STAG1: variants seen among roughly 807,000 people sequenced by gnomAD.
The protein encoded by STAG1 is cohesin subunit SA-1.
In STAG1, 26 loss-of-function variants were observed where a neutral mutation model predicts 170.9. The observed-to-expected ratio is 0.15, with a 90% CI of 0.11 to 0.21. The LOEUF (loss-of-function observed/expected upper bound fraction) is 0.21, where lower values mean the gene tolerates loss of function less well. Ranked by LOEUF, STAG1 falls within the 10% of genes least tolerant of loss-of-function variation. The pLI, the probability that STAG1 is intolerant of heterozygous loss-of-function variation, is 1.00. For missense variants in STAG1, 964 were observed against 1,509.5 expected, an observed-to-expected ratio of 0.64 and a Z score of 5.99; for synonymous variants, 514 against 497.7, an observed-to-expected ratio of 1.03 and a Z score of -0.44.
chr3:136,516,569 C>T (rs1010303300), intron 7 of STAG1, among the ~76,000 whole-genome samples: 3 of 151,842 alleles, frequency 2.0e-5, no homozygotes, highest in Non-Finnish European at 2.9e-5. Context: ...TTCTTAACAG[C>T]GGTTCTTGAA....
At chr3:136,564,207 C>A (rs1936966204) in intron 5 of STAG1, among the ~76,000 whole-genome samples, 1 of 152,084 alleles carries the variant, frequency 6.6e-6, no homozygotes, top group Non-Finnish European at 1.5e-5. Context: ...ATTTTGTGTA[C>A]CTATTTTCTT....
In STAG1 at chr3:136,366,939, A is replaced by C. The variant is rs1937095652; in HGVS notation, c.2685+4T>G. The stretch of plus-strand genomic sequence containing the variant: ...AGGAGAAAAATAAGAATATTTAACT[A>C]TACCTTCATGTAGTGTTTGAAGATG... On this transcript the variant is annotated splice_donor_region_variant and intron_variant, in intron 25 of 33. Coordinates refer to ENST00000383202, the MANE Select transcript of STAG1 (RefSeq NM_005862.3). The C allele has an allele frequency of 6.4e-7, 1 of 1,551,134 alleles. No individual in the cohort carries two copies. Among genetic ancestry groups the C allele is most frequent in the Non-Finnish European group, 8.8e-7 (1 of 1,140,994 alleles).
At chr3:136,443,265 T>C (rs1428202947) in intron 15 of STAG1, 22 bp downstream of exon 15, 6 of 1,535,486 alleles carry the variant, frequency 3.9e-6, no homozygotes, top group Non-Finnish European at 5.4e-6. Flanking sequence ...ATCATGTAAA[T>C]TAACTTGTCA....
At chr3:136,685,218 A>T (rs1236359539) in intron 1 of STAG1, among the ~76,000 whole-genome samples, 1 of 152,178 alleles carries the variant, frequency 6.6e-6, no homozygotes, top group East Asian at 1.9e-4. Flanking sequence ...CGGGAGGCTG[A>T]GGCATGACAA....
At chr3:136,473,013 T>C (rs1006060775) in intron 11 of STAG1, among the ~76,000 whole-genome samples, 1 of 152,196 alleles carries the variant, frequency 6.6e-6, no homozygotes, top group Non-Finnish European at 1.5e-5. Flanking sequence ...CTGTTCTCCA[T>C]CACTCCCACT....
At chr3:136,445,790 G>A (rs1454232709) in intron 14 of STAG1, among the ~76,000 whole-genome samples, 1 of 151,974 alleles carries the variant, frequency 6.6e-6, no homozygotes, top group African/African-American at 2.4e-5. Flanking sequence ...GGTTTATCTT[G>A]TACTGATATT....
intron 4 of STAG1, among the ~76,000 whole-genome samples, chr3:136,573,468 A>C (rs1379833404): frequency 6.6e-6 from 1 of 152,184 alleles, no homozygotes; most frequent in Non-Finnish European, 1.5e-5. Context: ...ATAATGACAC[A>C]CTTCCCATCA....
At chr3:136,471,245 A>T (rs1281533801) in intron 12 of STAG1, among the ~76,000 whole-genome samples, 2 of 152,140 alleles carry the variant, frequency 1.3e-5, no homozygotes, top group Non-Finnish European at 2.9e-5. Flanking sequence ...AAAAGATGAG[A>T]ATTCCAGCAT....
chr3:136,508,626 G>A (rs1297698248), intron 7 of STAG1, among the ~76,000 whole-genome samples: 1 of 152,228 alleles, frequency 6.6e-6, no homozygotes, highest in African/African-American at 2.4e-5. Context: ...ATTCAAGGTT[G>A]CAGTAATCCA....
At chr3:136,542,317 T>C (rs1935950054) in intron 5 of STAG1, 122 bp from the exon 6 acceptor site, 2 of 684,100 alleles carry the variant, frequency 2.9e-6, no homozygotes, top group Admixed American at 5.7e-5. Context: ...ACATATATTT[T>C]ATATTAAAAC....
intron 1 of STAG1, chr3:136,737,126 C>G (rs1243002230): frequency 2.4e-6 from 2 of 822,790 alleles, no homozygotes; most frequent in Non-Finnish European, 4.3e-6. Context: ...GATTTTTTCA[C>G]GTTAGAACCA....
chr3:136,734,144 A>C (rs1427301941), intron 1 of STAG1, among the ~76,000 whole-genome samples: 1 of 151,668 alleles, frequency 6.6e-6, no homozygotes, highest in Non-Finnish European at 1.5e-5. Flanking sequence ...CAAAAACAAA[A>C]CAAAAAAAAT....
intron 5 of STAG1, among the ~76,000 whole-genome samples, chr3:136,545,725 C>A (rs895969434): frequency 4.0e-5 from 6 of 151,436 alleles, no homozygotes; most frequent in Admixed American, 2.6e-4. Context: ...AAAAAAAAAA[C>A]CCTCACAAAT....
intron 13 of STAG1, among the ~76,000 whole-genome samples, chr3:136,460,420 G>A (rs960298297): frequency 6.6e-6 from 1 of 152,096 alleles, no homozygotes; most frequent in Admixed American, 6.6e-5. Flanking sequence ...TGGCCAAGAT[G>A]GTGAAACCCC....
chr3:136,588,647 TTTTTTTGTC>T (rs894128365), intron 4 of STAG1, among the ~76,000 whole-genome samples: 1 of 152,142 alleles, frequency 6.6e-6, no homozygotes, highest in African/African-American at 2.4e-5. Context: ...GCTTTATTTT[TTTTTTTGTC>T]TCCCTCTGTT....
At chr3:136,672,380 A>G (rs1355074917) in intron 1 of STAG1, among the ~76,000 whole-genome samples, 2 of 152,232 alleles carry the variant, frequency 1.3e-5, no homozygotes, top group Non-Finnish European at 2.9e-5. Flanking sequence ...AGTGAGAAAT[A>G]TAACTTCTAC....
At chr3:136,677,141 G>A (rs1182053132) in intron 1 of STAG1, among the ~76,000 whole-genome samples, 1 of 152,124 alleles carries the variant, frequency 6.6e-6, no homozygotes, top group Admixed American at 6.5e-5. Context: ...TGGAAGTATA[G>A]TACAATAAAT....
chr3:136,699,094 TAA>T (rs1014488534), intron 1 of STAG1, among the ~76,000 whole-genome samples: 1 of 152,084 alleles, frequency 6.6e-6, no homozygotes, highest in African/African-American at 2.4e-5. Context: ...GTGTGAGGGT[TAA>T]AAGCCTACAT....
At chr3:136,736,565 T>G in intron 1 of STAG1, 1 of 1,509,418 alleles carries the variant, frequency 6.6e-7, no homozygotes, top group Non-Finnish European at 9.2e-7. Context: ...TCTTCCCCTT[T>G]GTATTGGCTT....
Sources: allele counts gnomAD v4.1 joint callset (sites outside exome capture counted in the v4.1 genomes callset), GRCh38; gene constraint gnomAD v4.1.1; transcripts MANE v1.5; gene names NCBI Gene and HGNC (gene_info 2026-07-23, HGNC 2026-07-21).